SRGAP3: variants seen among roughly 807,000 people sequenced by gnomAD.
SRGAP3 encodes the protein SLIT-ROBO Rho GTPase-activating protein 3.
In SRGAP3, 39 loss-of-function variants were observed where a neutral mutation model predicts 121.1. That is an observed-to-expected ratio of 0.32 (90% CI 0.25 to 0.42). The LOEUF (loss-of-function observed/expected upper bound fraction) is 0.42, where lower values mean the gene tolerates loss of function less well. Among genes scored for constraint, SRGAP3 ranks in the 10% least tolerant of loss-of-function variants. SRGAP3 has a pLI of 1.00. For synonymous variants in SRGAP3, 601 were observed against 570.0 expected, an observed-to-expected ratio of 1.05 and a Z score of -0.77; for missense variants, 1,213 against 1,470.6, an observed-to-expected ratio of 0.82 and a Z score of 2.86.
intron 1 of SRGAP3, among the ~76,000 whole-genome samples, chr3:9,345,801 A>AG (rs1955879525): frequency 6.6e-6 from 1 of 150,772 alleles, no homozygotes. Flanking sequence ...AAAAAAAAAA[A>AG]AAAGAAAAGA....
intron 3 of SRGAP3, among the ~76,000 whole-genome samples, chr3:9,103,323 G>GTAATAATAGTCTCTTAAATTCGCA (rs1948288592): frequency 6.6e-6 from 1 of 152,168 alleles, no homozygotes; most frequent in Non-Finnish European, 1.5e-5. Flanking sequence ...GATTCTTTTG[G>GTAATAATAGTCTCTTAAATTCGCA]TAATAATAGT....
At chr3:9,337,585 G>C (rs1575015380) in intron 1 of SRGAP3, 1 of 152,230 alleles carries the variant, frequency 6.6e-6, no homozygotes, top group Non-Finnish European at 1.5e-5. Flanking sequence ...TTGCAGGCTT[G>C]CTTACCATTC....
chr3:9,031,563 C>T (rs1484148127), intron 12 of SRGAP3, among the ~76,000 whole-genome samples: 1 of 152,196 alleles, frequency 6.6e-6, no homozygotes, highest in Non-Finnish European at 1.5e-5. Flanking sequence ...CCCCAGAACT[C>T]AGCCCACAGG....
At chr3:9,151,905 A>G (rs1950224348) in intron 1 of SRGAP3, among the ~76,000 whole-genome samples, 1 of 152,232 alleles carries the variant, frequency 6.6e-6, no homozygotes, top group South Asian at 2.1e-4. Context: ...GAACTGTCGA[A>G]GCTGCAAGGG....
chr3:9,025,667 C>G (rs1386993918), intron 13 of SRGAP3, among the ~76,000 whole-genome samples: 1 of 152,210 alleles, frequency 6.6e-6, no homozygotes, highest in Non-Finnish European at 1.5e-5. Flanking sequence ...AGAGTATATT[C>G]TGGCTGGGAC....
intron 3 of SRGAP3, among the ~76,000 whole-genome samples, chr3:9,293,727 C>T (rs771031542): frequency 3.3e-5 from 5 of 151,752 alleles, no homozygotes; most frequent in African/African-American, 7.3e-5. Context: ...AACAAACATA[C>T]GAAAAAAAAT....
intron 1 of SRGAP3, among the ~76,000 whole-genome samples, chr3:9,131,683 C>T (rs920966209): frequency 1.3e-5 from 2 of 152,012 alleles, no homozygotes; most frequent in Admixed American, 1.3e-4. Flanking sequence ...CTCAAGTAAT[C>T]CACCCGCCTC....
intron 1 of SRGAP3, among the ~76,000 whole-genome samples, chr3:9,163,823 T>G (rs1400885895): frequency 6.6e-6 from 1 of 151,974 alleles, no homozygotes; most frequent in Non-Finnish European, 1.5e-5. Context: ...GTGGAAACCC[T>G]TGTCATTGTC....
chr3:9,067,287 T>C (rs1266291491), intron 4 of SRGAP3, among the ~76,000 whole-genome samples: 1 of 152,076 alleles, frequency 6.6e-6, no homozygotes, highest in African/African-American at 2.4e-5. Flanking sequence ...GTTTCTCCCT[T>C]CTTCCTTCAT....
At chr3:9,080,415 G>A (rs575946800) in intron 3 of SRGAP3, among the ~76,000 whole-genome samples, 1 of 152,186 alleles carries the variant, frequency 6.6e-6, no homozygotes, top group Non-Finnish European at 1.5e-5. Context: ...TTAATTCTAC[G>A]TGTACTAAGC....
At chr3:9,184,333 C>T (rs531241592) in intron 1 of SRGAP3, among the ~76,000 whole-genome samples, 2 of 152,304 alleles carry the variant, frequency 1.3e-5, no homozygotes, top group African/African-American at 4.8e-5. Context: ...AGAGACTTTG[C>T]ATCAGACTGA....
chr3:9,339,299 T>C (rs956586415), intron 1 of SRGAP3, among the ~76,000 whole-genome samples: 2 of 152,256 alleles, frequency 1.3e-5, no homozygotes, highest in African/African-American at 4.8e-5. Context: ...ATACCAAGTC[T>C]TGAGCACTCT....
At chr3:9,039,728 T>C (rs1447380836) in intron 10 of SRGAP3, among the ~76,000 whole-genome samples, 2 of 152,242 alleles carry the variant, frequency 1.3e-5, no homozygotes, top group Non-Finnish European at 2.9e-5. Context: ...ATAGATGGAA[T>C]TATACAAGAT....
intron 3 of SRGAP3, among the ~76,000 whole-genome samples, chr3:9,298,203 TATTAA>T (rs1290596222): frequency 6.6e-6 from 1 of 152,210 alleles, no homozygotes; most frequent in Non-Finnish European, 1.5e-5. Flanking sequence ...GAGATAACTG[TATTAA>T]ATTGTGGAGA....
At chr3:9,059,780 T>C (rs1467759873) in intron 6 of SRGAP3, 2 of 281,800 alleles carry the variant, frequency 7.1e-6, no homozygotes, top group Admixed American at 9.4e-5. Context: ...ATTAAGTCTG[T>C]CTCATTCGCT....
chr3:9,310,185 G>T (rs920895341), intron 3 of SRGAP3, among the ~76,000 whole-genome samples: 2 of 152,186 alleles, frequency 1.3e-5, no homozygotes, highest in Non-Finnish European at 2.9e-5. Flanking sequence ...TCATCACAAA[G>T]AACAGGTAGA....
intron 3 of SRGAP3, among the ~76,000 whole-genome samples, chr3:9,305,011 T>C (rs540720434): frequency 3.3e-5 from 5 of 152,218 alleles, no homozygotes; most frequent in African/African-American, 4.8e-5. Context: ...ATCTCCATTA[T>C]GTCAGGGTCC....
At chr3:9,256,688 G>T in intron 3 of SRGAP3, 1 of 396,488 alleles carries the variant, frequency 2.5e-6, no homozygotes, top group East Asian at 3.6e-5. Context: ...CTCCCCAGGG[G>T]AGGAAAAGTG....
At chr3:9,061,167 G>A (rs1946152758) in intron 5 of SRGAP3, among the ~76,000 whole-genome samples, 2 of 152,206 alleles carry the variant, frequency 1.3e-5, no homozygotes, top group South Asian at 4.1e-4. Context: ...AGGAGGCAGA[G>A]GTTGCAGTAA....
Sources: allele counts gnomAD v4.1 joint callset (sites outside exome capture counted in the v4.1 genomes callset), GRCh38; gene constraint gnomAD v4.1.1; transcripts MANE v1.5; gene names NCBI Gene and HGNC (gene_info 2026-07-23, HGNC 2026-07-21).